Variants in CAMSAP2 observed in about 807,000 individuals in gnomAD.
CAMSAP2 encodes the protein calmodulin-regulated spectrin-associated protein 2.
Under a neutral mutation model 146.1 loss-of-function variants are expected in CAMSAP2, and 26 were observed. The ratio of observed to expected loss-of-function variants is 0.18; its 90% CI spans 0.13 to 0.25. The LOEUF is 0.25. Among genes scored for constraint, CAMSAP2 ranks in the 10% least tolerant of loss-of-function variants. The pLI is 1.00. For missense variants in CAMSAP2, 1,381 were observed against 1,759.3 expected, an observed-to-expected ratio of 0.78 and a Z score of 3.85; for synonymous variants, 499 against 596.6, an observed-to-expected ratio of 0.84 and a Z score of 2.38.
chr1:200,750,349 G>A lies in CAMSAP2; in HGVS notation c.139+10383G>A, dbSNP rs147030398. Among the ~76,000 whole-genome samples the A allele has an allele frequency of 3.4e-3, 515 of 152,218 alleles. 2 individuals are homozygous for A. Among genetic ancestry groups the A allele is most frequent in the African/African-American group, 0.012 (489 of 41,526 alleles). On this transcript the variant is annotated intron_variant, in intron 1 of 16. Coordinates refer to ENST00000358823, the MANE Select transcript of CAMSAP2 (RefSeq NM_203459.4). The stretch of plus-strand genomic sequence containing the variant: ...CTTGTTCGGCTCGATGGATTGTGGT[G>A]TACTTTATTGATATAAGGAACACTG...
intron 2 of CAMSAP2, among the ~76,000 whole-genome samples, chr1:200,772,608 C>CA (rs553027250): frequency 2.8e-3 from 420 of 151,144 alleles, no homozygotes; most frequent in African/African-American, 9.4e-3. Context: ...GACTATGTCT[C>CA]AAAAAAATAA....
chr1:200,840,059 C>A (rs897178398), intron 6 of CAMSAP2, among the ~76,000 whole-genome samples: 1 of 152,028 alleles, frequency 6.6e-6, no homozygotes, highest in Non-Finnish European at 1.5e-5. Context: ...AAAGTAGAAA[C>A]CTACCAAATG....
chr1:200,783,364 C>G (rs1052269812), intron 2 of CAMSAP2, among the ~76,000 whole-genome samples: 3 of 152,116 alleles, frequency 2.0e-5, no homozygotes, highest in African/African-American at 7.2e-5. Context: ...ATCTTTTTCT[C>G]AGTGTCTTAT....
At chr1:200,817,590 C>T (rs1666639007) in intron 4 of CAMSAP2, among the ~76,000 whole-genome samples, 1 of 152,138 alleles carries the variant, frequency 6.6e-6, no homozygotes, top group South Asian at 2.1e-4. Context: ...TTCATTATTA[C>T]ACAGTACTTC....
rs1174801992 is a variant in CAMSAP2 at position 200,843,611 on chromosome 1, A to G, written c.1022-1171A>G. Reference sequence around the variant, plus strand: ...ACCTGTGAAGCTCACTATTCAAAATACCAACAGCTGTTGCATCAGATCTCA... The same window carrying G: ...ACCTGTGAAGCTCACTATTCAAAATGCCAACAGCTGTTGCATCAGATCTCA... On this transcript the variant is annotated intron_variant, in intron 7 of 16. Coordinates refer to ENST00000358823, the MANE Select transcript of CAMSAP2 (RefSeq NM_203459.4). 2.0e-5 allele frequency among the ~76,000 whole-genome samples: 3 copies of G among 152,220 alleles called. No homozygotes were observed. In the South Asian group the frequency reaches 6.2e-4, roughly 32 times the overall value.
chr1:200,835,146 T>C (rs1667153112), intron 6 of CAMSAP2, among the ~76,000 whole-genome samples: 1 of 152,180 alleles, frequency 6.6e-6, no homozygotes, highest in African/African-American at 2.4e-5. Context: ...TTTTGAAGAA[T>C]TTTAGGATTT....
intron 1 of CAMSAP2, among the ~76,000 whole-genome samples, chr1:200,747,300 G>A (rs1664362119): frequency 6.6e-6 from 1 of 152,110 alleles, no homozygotes. Flanking sequence ...GAAAACCAAG[G>A]GAATGTGGAG....
chr1:200,778,240 A>T (rs1304775836), intron 2 of CAMSAP2, among the ~76,000 whole-genome samples: 1 of 152,220 alleles, frequency 6.6e-6, no homozygotes, highest in African/African-American at 2.4e-5. Context: ...TTAATTAAGA[A>T]TTAAATATAT....
intron 1 of CAMSAP2, among the ~76,000 whole-genome samples, chr1:200,747,442 A>G (rs1664366845): frequency 6.6e-6 from 1 of 152,214 alleles, no homozygotes; most frequent in African/African-American, 2.4e-5. Flanking sequence ...TTTGCTGAGA[A>G]CATTTTGAGG....
chr1:200,747,284 TAGAA>T (rs915344711), intron 1 of CAMSAP2, among the ~76,000 whole-genome samples: 7 of 152,018 alleles, frequency 4.6e-5, no homozygotes, highest in African/African-American at 1.2e-4. Flanking sequence ...ATAGGGTAAT[TAGAA>T]AGAAAACCAA....
chr1:200,815,271 AAC>A (rs1666450951), intron 3 of CAMSAP2, among the ~76,000 whole-genome samples: 1 of 152,196 alleles, frequency 6.6e-6, no homozygotes, highest in Non-Finnish European at 1.5e-5. Context: ...TAAGCATTAA[AAC>A]TGACATTACC....
At chr1:200,790,740 T>C (rs1171338325) in intron 2 of CAMSAP2, among the ~76,000 whole-genome samples, 1 of 152,254 alleles carries the variant, frequency 6.6e-6, no homozygotes, top group Non-Finnish European at 1.5e-5. Flanking sequence ...GGTTTTTACA[T>C]GCAGACCAGA....
chr1:200,751,225 T>C (rs1240076286), intron 1 of CAMSAP2, among the ~76,000 whole-genome samples: 11 of 151,646 alleles, frequency 7.3e-5, no homozygotes, highest in Admixed American at 7.2e-4. Flanking sequence ...CGTGTGTGTG[T>C]GTGTGCTTGC....
At chr1:200,784,479 T>C (rs1333559227) in intron 2 of CAMSAP2, among the ~76,000 whole-genome samples, 1 of 152,220 alleles carries the variant, frequency 6.6e-6, no homozygotes, top group Non-Finnish European at 1.5e-5. Context: ...TTTTAGCATA[T>C]GAGATTCATA....
In CAMSAP2 at chr1:200,832,869, C is replaced by G; in HGVS notation, c.927+24C>G. On this transcript the variant is annotated intron_variant, in intron 6 of 16. Transcript: ENST00000358823. The surrounding 1 kb of genome is among the most constrained non-coding windows in gnomAD (Gnocchi z 4.2). The stretch of plus-strand genomic sequence containing the variant: ...AGGTAAATTAAATTATTCTTTTTTT[C>G]CCTTTGCTTTGTTAAAATATGTTTT... 1 of 1,541,072 alleles carries G rather than the reference C, an allele frequency of 6.5e-7. No homozygotes were observed.
chr1:200,857,357 A>G lies in CAMSAP2; in HGVS notation c.4064A>G (p.Gln1355Arg). 6.2e-7 allele frequency: 1 copy of G among 1,613,834 alleles called. No individual in the cohort carries two copies. Among genetic ancestry groups the G allele is most frequent in the Non-Finnish European group, 8.5e-7 (1 of 1,179,820 alleles). The stretch of plus-strand genomic sequence containing the variant: ...GCAAAATCCAATAAGCACATAATAC[A>G]AAATGCTTTAGCTCATTGCTGTTTG... ...PSAKSNKHII[Q>R]NALAHCCLAG... The change falls in exon 16 of 17, where the codon CAA (glutamine) becomes CGA (arginine). Residue 1355 changes from glutamine to arginine, a missense_variant. This residue lies in a region of CAMSAP2 where 90 missense variants were observed against 174.4 expected (regional missense o/e 0.52). Transcript: ENST00000358823. This position sits in a 1 kb window ranked among gnomAD's most constrained non-coding sequence, Gnocchi z 4.7.
chr1:200,830,194 A>G (rs980281160), intron 4 of CAMSAP2, among the ~76,000 whole-genome samples: 4 of 152,240 alleles, frequency 2.6e-5, no homozygotes, highest in Non-Finnish European at 5.9e-5. Context: ...TGGTTTACTT[A>G]ATATATCTTC....
Position 200,816,749 on chromosome 1 carries a change from TGTATATATGTGTGTAC to T in CAMSAP2, c.645+1106_645+1121del, listed in dbSNP as rs1558190828. 2.9e-4 allele frequency among the ~76,000 whole-genome samples: 31 copies of T among 108,408 alleles called. 2 individuals carry two copies. Among genetic ancestry groups the T allele is most frequent in the African/African-American group, 3.9e-4 (11 of 28,248 alleles). The allele number at this position is 108,408 out of a possible 152,430, so 71.1% of individuals were successfully genotyped here. On this transcript the variant is annotated intron_variant, in intron 4 of 16. Coordinates refer to ENST00000358823, the MANE Select transcript of CAMSAP2 (RefSeq NM_203459.4). ...ATATATGTGTGTACACACACACGCG[TGTATATATGTGTGTAC>T]ACACACACGCGTGTATATATGTGTG...
rs149075470 is a variant in CAMSAP2, at chr1:200,796,281, A to G, written c.400-11095A>G. 1.1e-3 allele frequency among the ~76,000 whole-genome samples: 166 copies of G among 152,318 alleles called. 2 individuals are homozygous for G. The highest frequency in any genetic ancestry group is 2.1e-3 in the Non-Finnish European group (142 of 68,026). On this transcript the variant is annotated intron_variant, in intron 2 of 16. Transcript: ENST00000358823. ...AAATTTTTTGTGTTAAAAAAAATCA[A>G]TTGACCATAGACATATGGGCTTATT... is the stretch of plus-strand genomic sequence containing the variant.
Sources: allele counts gnomAD v4.1 joint callset (sites outside exome capture counted in the v4.1 genomes callset), GRCh38; gene constraint gnomAD v4.1.1; regional missense constraint gnomAD v4.1.1; non-coding constraint Gnocchi (gnomAD v3.1); transcripts MANE v1.5; gene names NCBI Gene and HGNC (gene_info 2026-07-23, HGNC 2026-07-21).